PHEX: variants seen among roughly 807,000 people sequenced by gnomAD.
The protein encoded by PHEX is phosphate regulating endopeptidase X-linked, also known as phosphate-regulating neutral endopeptidase PHEX.
A neutral mutation model predicts 68.0 loss-of-function variants in PHEX; 16 were observed. The observed-to-expected ratio is 0.24, with a 90% confidence interval of 0.16 to 0.36. The LOEUF (loss-of-function observed/expected upper bound fraction) is 0.36. Ranked by LOEUF, PHEX falls within the 10% of genes least tolerant of loss-of-function variation. The pLI is 1.00. For synonymous variants in PHEX, 208 were observed against 205.1 expected (o/e 1.01, Z -0.12); for missense variants, 480 against 575.5 (o/e 0.83, Z 1.70).
intron 1 of PHEX, among the ~76,000 whole-genome samples, chrX:22,036,370 T>C (rs1305043979): frequency 2.7e-5 from 3 of 110,498 alleles, no homozygotes; most frequent in Admixed American, 1.9e-4. Flanking sequence ...TAATTAGTTA[T>C]ATTTAAAACC....
chrX:22,143,829 T>C (rs1932566562), intron 12 of PHEX, among the ~76,000 whole-genome samples: 1 of 112,523 alleles, frequency 8.9e-6, no homozygotes, highest in Non-Finnish European at 1.9e-5. Context: ...GTGAGATCTT[T>C]CCTGTCTTCT....
intron 3 of PHEX, among the ~76,000 whole-genome samples, chrX:22,071,760 T>G (rs1439446556): frequency 8.9e-6 from 1 of 112,856 alleles, no homozygotes; most frequent in Non-Finnish European, 1.9e-5. Context: ...AAATTTTAGA[T>G]GGACTGTAGA....
chrX:22,160,879 A>T (rs1374249956), intron 12 of PHEX, among the ~76,000 whole-genome samples: 1 of 111,648 alleles, frequency 9.0e-6, no homozygotes, highest in Admixed American at 9.5e-5. Flanking sequence ...CACACCTGTA[A>T]TCCCAGCACT....
At chrX:22,198,225 A>G (rs1934435748) in intron 15 of PHEX, among the ~76,000 whole-genome samples, 1 of 103,875 alleles carries the variant, frequency 9.6e-6, no homozygotes. Context: ...TGTATATATA[A>G]TATCATTTAA....
Position 22,034,515 on chromosome X carries a change from G to A in PHEX, c.118+1392G>A, listed in dbSNP as rs773327347. On this transcript the variant is annotated intron_variant, in intron 1 of 21. Coordinates refer to ENST00000379374, the MANE Select transcript of PHEX (RefSeq NM_000444.6). ...ATTATTCTCAGGAAATAGTGCCGATGTTTTTAGAGCAAAGTAAAATTCATC... is the reference window on the plus strand; with the variant it reads ...ATTATTCTCAGGAAATAGTGCCGATATTTTTAGAGCAAAGTAAAATTCATC... 2.2e-4 allele frequency among the ~76,000 whole-genome samples: 25 copies of A among 112,430 alleles called. No individual in the cohort carries two copies. In the South Asian group the frequency reaches 8.7e-3, roughly 39 times the overall value.
chrX:22,166,421 T>C (rs775044617), intron 12 of PHEX, among the ~76,000 whole-genome samples: 60 of 111,452 alleles, frequency 5.4e-4, no homozygotes, highest in African/African-American at 1.8e-3. Flanking sequence ...TCCAGCTACA[T>C]TAAATTACTC....
chrX:22,221,121 C>T (rs1174651233), intron 17 of PHEX, among the ~76,000 whole-genome samples: 1 of 111,771 alleles, frequency 8.9e-6, no homozygotes, highest in Non-Finnish European at 1.9e-5. Flanking sequence ...TGTCTTTCAG[C>T]TCCTGGCAAC....
chrX:22,082,159 T>G (rs1929419332), intron 5 of PHEX, among the ~76,000 whole-genome samples: 1 of 112,341 alleles, frequency 8.9e-6, no homozygotes, highest in African/African-American at 3.2e-5. Flanking sequence ...ACTACACATT[T>G]TCATGGTACA....
chrX:22,226,451 G>C lies in PHEX; in HGVS notation c.1908G>C (p.Gly636=), dbSNP rs1935505511. 2 of 1,199,760 alleles carry C rather than the reference G, an allele frequency of 1.7e-6. No homozygotes were observed. Among genetic ancestry groups the C allele is most frequent in the African/African-American group, 3.6e-5 (2 of 56,169 alleles). The change falls in exon 19 of 22, where the codon GGG becomes GGC. Residue 636 remains glycine, a synonymous_variant. Transcript: ENST00000379374. ...TTTTTTCTTTCTGTTAGGTCAAGGGGAAGAGGACCCTGGGAGAAAATATTG... is the reference window on the plus strand; with the variant it reads ...TTTTTTCTTTCTGTTAGGTCAAGGGCAAGAGGACCCTGGGAGAAAATATTG... ...YWKKAGLNVK[G]KRTLGENIAD...
At chrX:22,200,501 C>T (rs964001931) in intron 15 of PHEX, among the ~76,000 whole-genome samples, 1 of 110,661 alleles carries the variant, frequency 9.0e-6, no homozygotes, top group Admixed American at 9.6e-5. Context: ...CCCAGCTACT[C>T]GGGAGGCTGA....
chrX:22,235,234 T>TCTGCATTGATTTG (rs1935932356), intron 20 of PHEX, among the ~76,000 whole-genome samples: 1 of 112,066 alleles, frequency 8.9e-6, no homozygotes, highest in Non-Finnish European at 1.9e-5. Context: ...CCACTTACTT[T>TCTGCATTGATTTG]CTGCATTGAT....
At chrX:22,041,265 C>CTCTATA (rs1468778300) in intron 2 of PHEX, among the ~76,000 whole-genome samples, 199 of 72,779 alleles carry the variant, frequency 2.7e-3, no homozygotes, top group Non-Finnish European at 3.8e-3. Flanking sequence ...CTCTCTCTCT[C>CTCTATA]TATATATATA....
At chrX:22,219,631 C>CATTATT (rs1230515282) in intron 17 of PHEX, among the ~76,000 whole-genome samples, 1 of 107,880 alleles carries the variant, frequency 9.3e-6, no homozygotes, top group Non-Finnish European at 1.9e-5. Context: ...TTATTATTAT[C>CATTATT]ATTATTGAGA....
intron 15 of PHEX, among the ~76,000 whole-genome samples, chrX:22,199,353 A>C (rs1602382362): frequency 8.9e-6 from 1 of 111,897 alleles, no homozygotes; most frequent in South Asian, 3.7e-4. Context: ...TAACTGCATA[A>C]TGATAATACA....
At chrX:22,104,132 C>G (rs1217034748) in intron 9 of PHEX, among the ~76,000 whole-genome samples, 1 of 111,931 alleles carries the variant, frequency 8.9e-6, no homozygotes. Context: ...CTTTTGCCCA[C>G]TTTTTGATGG....
intron 12 of PHEX, among the ~76,000 whole-genome samples, chrX:22,142,263 A>C (rs936264168): frequency 8.9e-6 from 1 of 112,196 alleles, no homozygotes; most frequent in African/African-American, 3.2e-5. Context: ...CACACACACA[A>C]AAAGAATATT....
Position 22,238,279 on chromosome X carries a change from G to A in PHEX, c.2071-7054G>A, listed in dbSNP as rs186354826. 9.0e-3 allele frequency among the ~76,000 whole-genome samples: 1,013 copies of A among 112,060 alleles called. 16 individuals carry two copies. Among genetic ancestry groups the A allele is most frequent in the African/African-American group, 0.028 (866 of 30,873 alleles). ...TGGTTGGACAGTGGGTGCAGCCCAC[G>A]GAGGGTGAGCCAAAGCAGGGTGGGA... On this transcript the variant is annotated intron_variant, in intron 20 of 21. Transcript: ENST00000379374.
chrX:22,053,115 G>A (rs1228821060), intron 3 of PHEX, among the ~76,000 whole-genome samples: 1 of 111,879 alleles, frequency 8.9e-6, no homozygotes, highest in Non-Finnish European at 1.9e-5. Flanking sequence ...TTGTTTCAAA[G>A]ATAGTTCTAA....
At chrX:22,219,397 G>A (rs764807046) in intron 17 of PHEX, among the ~76,000 whole-genome samples, 1 of 112,038 alleles carries the variant, frequency 8.9e-6, no homozygotes, top group South Asian at 3.7e-4. Flanking sequence ...TAGTTACAGA[G>A]ATTGATTTAT....
Sources: gnomAD v4.1 joint callset for allele counts (sites outside exome capture counted in the v4.1 genomes callset) on GRCh38, gnomAD v4.1.1 for gene constraint, MANE v1.5 for transcripts, NCBI Gene and HGNC (gene_info 2026-07-23, HGNC 2026-07-21) for gene names.